Variants in ADCY2 observed in about 807,000 individuals in gnomAD.
ADCY2 encodes adenylate cyclase type 2.
A neutral mutation model predicts 125.2 loss-of-function variants in ADCY2; 31 were observed. The observed-to-expected ratio is 0.25, with a 90% CI of 0.19 to 0.33. The LOEUF (loss-of-function observed/expected upper bound fraction) is 0.33, where lower values mean the gene tolerates loss of function less well. ADCY2 is among the 10% of genes least tolerant of loss of function. ADCY2 has a pLI of 1.00. For synonymous variants in ADCY2, 512 were observed against 548.4 expected, an observed-to-expected ratio of 0.93 and a Z score of 0.93; for missense variants, 904 against 1,418.2, an observed-to-expected ratio of 0.64 and a Z score of 5.82.
chr5:7,674,331 C>A (rs1363374336), intron 4 of ADCY2, among the ~76,000 whole-genome samples: 1 of 152,150 alleles, frequency 6.6e-6, no homozygotes, highest in Non-Finnish European at 1.5e-5. Flanking sequence ...GTACTTAGTG[C>A]TCTATCTGCT....
In ADCY2 at chr5:7,698,380, T is replaced by A. The variant is rs1672781903; in HGVS notation, c.1109+6T>A. 1 of 1,614,024 alleles carries A rather than the reference T, an allele frequency of 6.2e-7. No individual in the cohort carries two copies. Among genetic ancestry groups the A allele is most frequent in the Admixed American group, 1.7e-5 (1 of 60,014 alleles). The stretch of plus-strand genomic sequence containing the variant: ...GACATGTGTGAAGCCATAAAGTAAG[T>A]GGACTGCTTAGTAAGCATTTTGTTA... On this transcript the variant is annotated splice_donor_region_variant and intron_variant, in intron 7 of 24. Coordinates refer to ENST00000338316, the MANE Select transcript of ADCY2 (RefSeq NM_020546.3).
chr5:7,431,371 C>T (rs1740594013), intron 2 of ADCY2, among the ~76,000 whole-genome samples: 1 of 152,048 alleles, frequency 6.6e-6, no homozygotes, highest in Non-Finnish European at 1.5e-5. Context: ...CTACTCTTAC[C>T]TCACACAATG....
intron 3 of ADCY2, among the ~76,000 whole-genome samples, chr5:7,597,735 T>C (rs571122870): frequency 5.9e-5 from 9 of 152,304 alleles, no homozygotes; most frequent in African/African-American, 2.2e-4. Context: ...CATGATTGCA[T>C]GATTGCACCA....
At chr5:7,463,968 C>T (rs546306076) in intron 2 of ADCY2, among the ~76,000 whole-genome samples, 1 of 152,054 alleles carries the variant, frequency 6.6e-6, no homozygotes, top group African/African-American at 2.4e-5. Flanking sequence ...TTATGTAACA[C>T]CCAAGTAAGT....
chr5:7,729,827 A>G lies in ADCY2; in HGVS notation c.1871+2566A>G, dbSNP rs150409985. Among the ~76,000 whole-genome samples the G allele has an allele frequency of 6.7e-5, 10 of 148,434 alleles. No individual in the cohort carries two copies. In the East Asian group the frequency reaches 1.9e-3, roughly 29 times the overall value. ...TTTCAATATATATTATTTATATTAA[A>G]GAATAAAATATATAATTATTTATAA... On this transcript the variant is annotated intron_variant, in intron 14 of 24. Transcript: ENST00000338316.
intron 14 of ADCY2, among the ~76,000 whole-genome samples, chr5:7,731,762 C>G (rs1742109825): frequency 2.6e-5 from 4 of 151,984 alleles, no homozygotes; most frequent in Non-Finnish European, 4.4e-5. Context: ...TGCCACTGCA[C>G]CAGCTAATTT....
intron 15 of ADCY2, chr5:7,749,762 A>G (rs1259765297): frequency 1.3e-5 from 2 of 152,200 alleles, no homozygotes; most frequent in African/African-American, 2.4e-5. Context: ...AATAGCAGAG[A>G]TAATACGATG....
intron 3 of ADCY2, among the ~76,000 whole-genome samples, chr5:7,533,829 A>T (rs1027150360): frequency 1.3e-5 from 2 of 152,320 alleles, no homozygotes; most frequent in East Asian, 1.9e-4. Flanking sequence ...TTCTTATCAT[A>T]TGAACTACAT....
chr5:7,470,508 T>G (rs985441006), intron 2 of ADCY2, among the ~76,000 whole-genome samples: 7 of 148,678 alleles, frequency 4.7e-5, no homozygotes, highest in Admixed American at 4.0e-4. Flanking sequence ...ATAGTTTTAA[T>G]TATAATTATA....
chr5:7,695,511 A>AT (rs1395489065), intron 5 of ADCY2, among the ~76,000 whole-genome samples: 3 of 152,172 alleles, frequency 2.0e-5, no homozygotes, highest in African/African-American at 7.2e-5. Context: ...TACAAACAGA[A>AT]TTTTTTTAAA....
At chr5:7,589,918 C>G (rs1037634902) in intron 3 of ADCY2, among the ~76,000 whole-genome samples, 2 of 152,156 alleles carry the variant, frequency 1.3e-5, no homozygotes, top group Non-Finnish European at 2.9e-5. Context: ...TTAAATGGGT[C>G]CTTTCACAGC....
chr5:7,784,707 T>C (rs1395783142), intron 19 of ADCY2, among the ~76,000 whole-genome samples: 1 of 151,814 alleles, frequency 6.6e-6, no homozygotes, highest in East Asian at 1.9e-4. Context: ...TCCTGTTAAA[T>C]CTCAAAACAA....
intron 8 of ADCY2, 80 bp downstream of exon 8, chr5:7,706,982 G>A: frequency 1.3e-6 from 2 of 1,552,324 alleles, no homozygotes; most frequent in African/African-American, 1.4e-5. Flanking sequence ...ATGACGGAGT[G>A]CTCAGTTTTT....
chr5:7,501,161 T>G (rs928218161), intron 2 of ADCY2, among the ~76,000 whole-genome samples: 37 of 152,078 alleles, frequency 2.4e-4, no homozygotes, highest in Non-Finnish European at 4.9e-4. Context: ...TACATTTTCT[T>G]CCTTCATTGG....
At chr5:7,660,423 A>G (rs1470298239) in intron 4 of ADCY2, among the ~76,000 whole-genome samples, 1 of 152,104 alleles carries the variant, frequency 6.6e-6, no homozygotes. Flanking sequence ...TTACATATGG[A>G]TTAGTGGGGC....
At chr5:7,447,000 A>G (rs1460782231) in intron 2 of ADCY2, among the ~76,000 whole-genome samples, 1 of 152,128 alleles carries the variant, frequency 6.6e-6, no homozygotes, top group Non-Finnish European at 1.5e-5. Flanking sequence ...TCATCCTTGA[A>G]TTCTGAAGGA....
chr5:7,788,945 C>T (rs1287575054), intron 19 of ADCY2, among the ~76,000 whole-genome samples: 1 of 152,230 alleles, frequency 6.6e-6, no homozygotes, highest in Non-Finnish European at 1.5e-5. Flanking sequence ...ACCCAAAAGA[C>T]TCTTTGTCAG....
chr5:7,781,546 C>G (rs1266513317), intron 18 of ADCY2, among the ~76,000 whole-genome samples: 1 of 152,160 alleles, frequency 6.6e-6, no homozygotes, highest in African/African-American at 2.4e-5. Flanking sequence ...TGATGGCCAG[C>G]AAACTACCTG....
chr5:7,700,171 T>C (rs1741032459), intron 7 of ADCY2, among the ~76,000 whole-genome samples: 1 of 152,218 alleles, frequency 6.6e-6, no homozygotes, highest in Non-Finnish European at 1.5e-5. Flanking sequence ...GCTCTGTGAA[T>C]TTAATTTTAA....
Sources: gnomAD v4.1 joint callset for allele counts (sites outside exome capture counted in the v4.1 genomes callset) on GRCh38, gnomAD v4.1.1 for gene constraint, MANE v1.5 for transcripts, NCBI Gene and HGNC (gene_info 2026-07-23, HGNC 2026-07-21) for gene names.